The following SLC60A1 variants were observed in gnomAD, a reference collection of about 807,000 sequenced individuals.
SLC60A1 encodes the protein solute carrier family 60 member 1.
chr1:205,585,886 C>T, the SLC60A1 span: 1 of 894,244 alleles, frequency 1.1e-6, no homozygotes, highest in Non-Finnish European at 1.6e-6. The surrounding 1 kb of genome is among the most constrained non-coding windows in gnomAD (Gnocchi z 4.2). Context: ...GCCTTGACTC[C>T]AAGCCCAGCC....
At chr1:205,597,608 C>G in the SLC60A1 span, 1 of 593,752 alleles carries the variant, frequency 1.7e-6, no homozygotes, top group African/African-American at 1.9e-5. Flanking sequence ...ATTGCCCAGA[C>G]TGGTCTTGAA....
chr1:205,595,668 A>C, the SLC60A1 span, among the ~76,000 whole-genome samples: 1 of 152,168 alleles, frequency 6.6e-6, no homozygotes, highest in African/African-American at 2.4e-5. Context: ...TCTGAGCCTC[A>C]ATTTTCTCAT....
chr1:205,602,325 G>A, the SLC60A1 span: 1 of 152,680 alleles, frequency 6.5e-6, no homozygotes, highest in Non-Finnish European at 1.5e-5. Flanking sequence ...TGAGAATCTG[G>A]CTGGAAAGAG....
the SLC60A1 span, among the ~76,000 whole-genome samples, chr1:205,599,468 G>A: frequency 6.6e-6 from 1 of 152,152 alleles, no homozygotes; most frequent in Non-Finnish European, 1.5e-5. Flanking sequence ...GCGAGAGCTG[G>A]GTCGGCTGAC....
the SLC60A1 span, chr1:205,601,416 T>C: frequency 6.6e-6 from 1 of 152,118 alleles, no homozygotes; most frequent in African/African-American, 2.4e-5. Context: ...GGTTAAACAT[T>C]TACCAGCATA....
At chr1:205,575,914 A>ATGCCACTC in the SLC60A1 span, among the ~76,000 whole-genome samples, 1 of 152,246 alleles carries the variant, frequency 6.6e-6, no homozygotes, top group South Asian at 2.1e-4. Flanking sequence ...GGGAAGACCA[A>ATGCCACTC]TGCCACTCTG....
At chr1:205,596,974 C>T in the SLC60A1 span, among the ~76,000 whole-genome samples, 1 of 152,172 alleles carries the variant, frequency 6.6e-6, no homozygotes, top group South Asian at 2.1e-4. Context: ...TAGGTGACAA[C>T]CTGGGCTTGG....
chr1:205,571,650 G>C, the SLC60A1 span, among the ~76,000 whole-genome samples: 3 of 152,130 alleles, frequency 2.0e-5, no homozygotes, highest in African/African-American at 7.2e-5. Flanking sequence ...GAGTGTAGGC[G>C]ACAGTCTCCC....
At chr1:205,575,243 C>G in the SLC60A1 span, among the ~76,000 whole-genome samples, 1 of 152,232 alleles carries the variant, frequency 6.6e-6, no homozygotes, top group Admixed American at 6.5e-5. Flanking sequence ...CACATTTCTG[C>G]TCCCTGCCCT....
chr1:205,585,252 A>C, the SLC60A1 span, among the ~76,000 whole-genome samples: 1 of 152,122 alleles, frequency 6.6e-6, no homozygotes, highest in East Asian at 1.9e-4. The surrounding 1 kb of genome is among the most constrained non-coding windows in gnomAD (Gnocchi z 4.2). Flanking sequence ...GTAGGGGCCT[A>C]ACTGGTCTGT....
the SLC60A1 span, chr1:205,592,094 C>G: frequency 2.5e-6 from 4 of 1,609,798 alleles, no homozygotes; most frequent in Admixed American, 6.7e-5. Flanking sequence ...ACCACCGATG[C>G]TCAGCTTTTC....
At chr1:205,588,468 T>TAAAA in the SLC60A1 span, among the ~76,000 whole-genome samples, 2 of 4,142 alleles carry the variant, frequency 4.8e-4, no homozygotes, top group Non-Finnish European at 1.3e-3. Context: ...AGACTTCAAA[T>TAAAA]CAAAAAAAAA....
the SLC60A1 span, among the ~76,000 whole-genome samples, chr1:205,589,009 G>A: frequency 2.3e-4 from 35 of 152,340 alleles, no homozygotes; most frequent in African/African-American, 7.7e-4. Context: ...CTGATAGTTC[G>A]TCCTGGTTAG....
the SLC60A1 span, among the ~76,000 whole-genome samples, chr1:205,572,237 T>A: frequency 1.6e-4 from 24 of 152,044 alleles, no homozygotes; most frequent in Non-Finnish European, 2.5e-4. Context: ...GTATTTAGAT[T>A]AAAGGTTAGG....
chr1:205,573,798 G>A, the SLC60A1 span, among the ~76,000 whole-genome samples: 3 of 152,054 alleles, frequency 2.0e-5, no homozygotes, highest in Non-Finnish European at 4.4e-5. Flanking sequence ...CCGGGTTCAA[G>A]CAATTCTCAT....
the SLC60A1 span, among the ~76,000 whole-genome samples, chr1:205,578,058 C>A: frequency 6.6e-6 from 1 of 152,230 alleles, no homozygotes; most frequent in Non-Finnish European, 1.5e-5. Context: ...GACTTTGCTG[C>A]AGGATGGATG....
At chr1:205,592,297 G>C in the SLC60A1 span, 2 of 1,603,556 alleles carry the variant, frequency 1.2e-6, no homozygotes, top group Non-Finnish European at 1.7e-6. Flanking sequence ...GGTGAGGGCC[G>C]GGCCCGAGCC....
the SLC60A1 span, among the ~76,000 whole-genome samples, chr1:205,569,731 G>A: frequency 1.4e-4 from 22 of 152,250 alleles, no homozygotes; most frequent in South Asian, 3.3e-3. Context: ...TTGGCAGTGA[G>A]GTGGAAGGAC....
the SLC60A1 span, among the ~76,000 whole-genome samples, chr1:205,577,933 C>T: frequency 4.7e-4 from 72 of 152,294 alleles, no homozygotes; most frequent in African/African-American, 1.6e-3. This position sits in a 1 kb window ranked among gnomAD's most constrained non-coding sequence, Gnocchi z 5.2. Context: ...AAGTGACAAA[C>T]GTTAGCAGTT....
Sources: allele counts gnomAD v4.1 joint callset (sites outside exome capture counted in the v4.1 genomes callset), GRCh38; gene constraint gnomAD v4.1.1; non-coding constraint Gnocchi (gnomAD v3.1); transcripts MANE v1.5; gene names NCBI Gene and HGNC (gene_info 2026-07-23, HGNC 2026-07-21).